Variants in ASTN1 observed in about 807,000 individuals in gnomAD.
The protein encoded by ASTN1 is astrotactin 1.
In ASTN1, 41 loss-of-function variants were observed where a neutral mutation model predicts 140.7. That is an observed-to-expected ratio of 0.29 (90% CI 0.23 to 0.38). The LOEUF (loss-of-function observed/expected upper bound fraction) is 0.38, where lower values mean the gene tolerates loss of function less well. Among genes scored for constraint, ASTN1 ranks in the 10% least tolerant of loss-of-function variants. The pLI is 1.00. For missense variants in ASTN1, 1,479 were observed against 1,678.8 expected (o/e 0.88, Z 2.08); for synonymous variants, 640 against 652.2 (o/e 0.98, Z 0.29).
intron 1 of ASTN1, among the ~76,000 whole-genome samples, chr1:177,096,841 T>C (rs891972526): frequency 2.0e-5 from 3 of 152,114 alleles, no homozygotes; most frequent in Non-Finnish European, 4.4e-5. Context: ...GGGTATTTCT[T>C]CATAGTAGTA....
chr1:176,884,483 GTC>G lies in ASTN1; in HGVS notation c.3080_3081del (p.Arg1027ThrfsTer39). On this transcript the variant is annotated frameshift_variant, in exon 19 of 23. Coordinates refer to ENST00000361833, the MANE Select transcript of ASTN1 (RefSeq NM_004319.3). LOFTEE classifies it high-confidence loss of function. The part of the protein sequence containing the change: ...TCAPLPQPVL[R>X]LSTVHEPSST... Reference sequence around the variant, plus strand: ...CTGCTGGGCTCGTGAACCGTGGAGAGTCTCAGCCTGTGTGCAGACAGGAAGGA... The same window carrying G: ...CTGCTGGGCTCGTGAACCGTGGAGAGTCAGCCTGTGTGCAGACAGGAAGGA... The G allele has an allele frequency of 6.2e-7, 1 of 1,609,628 alleles. No homozygotes were observed.
intron 1 of ASTN1, among the ~76,000 whole-genome samples, chr1:177,118,552 C>T (rs1005989250): frequency 5.9e-5 from 9 of 152,148 alleles, no homozygotes; most frequent in African/African-American, 2.2e-4. Flanking sequence ...TAGTTCTGAA[C>T]AGGTAGGCCC....
At chr1:176,908,195 G>A (rs1670081417) in intron 16 of ASTN1, among the ~76,000 whole-genome samples, 1 of 151,860 alleles carries the variant, frequency 6.6e-6, no homozygotes, top group Admixed American at 6.6e-5. Flanking sequence ...ATTACTGGAT[G>A]AAGGTTGACT....
chr1:177,120,129 G>C (rs955037798), intron 1 of ASTN1, among the ~76,000 whole-genome samples: 30 of 152,220 alleles, frequency 2.0e-4, no homozygotes, highest in African/African-American at 6.8e-4. Flanking sequence ...AAATGGAGGA[G>C]CAGTGGAGCT....
chr1:177,065,641 T>G (rs1187036505), intron 1 of ASTN1, among the ~76,000 whole-genome samples: 2 of 152,140 alleles, frequency 1.3e-5, no homozygotes, highest in Non-Finnish European at 2.9e-5. Context: ...AACACATGTT[T>G]GCAGAACCAC....
intron 11 of ASTN1, among the ~76,000 whole-genome samples, chr1:176,950,223 A>G (rs950791807): frequency 1.3e-5 from 2 of 152,164 alleles, no homozygotes; most frequent in Non-Finnish European, 2.9e-5. Context: ...AACTCATGTG[A>G]TCCTCACAAC....
Position 176,883,014 on chromosome 1 carries a change from T to A in ASTN1, c.3227-20A>T. On this transcript the variant is annotated intron_variant, in intron 19 of 22. Coordinates refer to ENST00000361833, the MANE Select transcript of ASTN1 (RefSeq NM_004319.3). ...CTGTTTCTGCCCAGAGGAGAAGGAATGGAAAAAGCATGAGAAACAATGACG... is the reference window on the plus strand; with the variant it reads ...CTGTTTCTGCCCAGAGGAGAAGGAAAGGAAAAAGCATGAGAAACAATGACG... 2 of 1,613,516 alleles carry A rather than the reference T, an allele frequency of 1.2e-6. No homozygotes were observed. The highest frequency in any genetic ancestry group is 1.7e-6 in the Non-Finnish European group (2 of 1,179,704).
intron 7 of ASTN1, among the ~76,000 whole-genome samples, chr1:177,020,210 T>C (rs1400494370): frequency 6.6e-6 from 1 of 152,192 alleles, no homozygotes; most frequent in Non-Finnish European, 1.5e-5. Flanking sequence ...CCTTCCTTAG[T>C]GTATAAGTTT....
intron 16 of ASTN1, among the ~76,000 whole-genome samples, chr1:176,903,851 A>T (rs1669871266): frequency 6.6e-6 from 1 of 152,170 alleles, no homozygotes; most frequent in Non-Finnish European, 1.5e-5. Context: ...CCCCCTTTGA[A>T]AACTCTAGGG....
At chr1:177,029,076 A>T (rs941894518) in intron 5 of ASTN1, among the ~76,000 whole-genome samples, 8 of 152,154 alleles carry the variant, frequency 5.3e-5, no homozygotes, top group Non-Finnish European at 1.0e-4. Flanking sequence ...AGGAGAATGG[A>T]TTAGCCACCT....
chr1:176,924,762 G>A (rs748446357), intron 16 of ASTN1, among the ~76,000 whole-genome samples: 4 of 152,122 alleles, frequency 2.6e-5, no homozygotes, highest in Non-Finnish European at 5.9e-5. Context: ...TAAATTGTAT[G>A]GTAGAGACAA....
Position 176,862,100 on chromosome 1 carries a change from G to T in ASTN1, c.*2184C>A, listed in dbSNP as rs1270437387. The T allele has an allele frequency of 1.0e-6, 1 of 985,410 alleles. No individual in the cohort carries two copies. The highest frequency in any genetic ancestry group is 1.1e-4 in the East Asian group (1 of 8,798). 61.0% of individuals were successfully genotyped at this position (985,410 alleles called of 1,614,324 possible). A position where few individuals can be genotyped will look rare whatever the true frequency, so the allele number is the denominator to read the frequency against. ...AGATGCTCTGGGCCCTGTCTGATTG[G>T]CCTGTCACATCTTCTCTGGCAATGG... is the stretch of plus-strand genomic sequence containing the variant. On this transcript the variant is annotated 3_prime_UTR_variant, in exon 23 of 23. Transcript: ENST00000361833.
At chr1:177,089,306 A>C (rs893101337) in intron 1 of ASTN1, among the ~76,000 whole-genome samples, 10 of 152,138 alleles carry the variant, frequency 6.6e-5, no homozygotes, top group African/African-American at 2.2e-4. Flanking sequence ...ATTATTTTTG[A>C]AAGAGGCCAG....
At chr1:177,007,947 T>G (rs1178342407) in intron 8 of ASTN1, among the ~76,000 whole-genome samples, 1 of 152,248 alleles carries the variant, frequency 6.6e-6, no homozygotes, top group Non-Finnish European at 1.5e-5. Flanking sequence ...CCTCTTAGCC[T>G]GATGTCCTCT....
chr1:177,068,775 G>T (rs147625367), intron 1 of ASTN1, among the ~76,000 whole-genome samples: 1 of 149,814 alleles, frequency 6.7e-6, no homozygotes, highest in Non-Finnish European at 1.5e-5. Context: ...AGAATCAGAC[G>T]TTTTCTCTTG....
intron 8 of ASTN1, among the ~76,000 whole-genome samples, chr1:177,009,352 G>A (rs1415179930): frequency 6.6e-6 from 1 of 152,194 alleles, no homozygotes. Context: ...CTAAGGAACT[G>A]TTAAGAATGA....
chr1:176,934,436 G>A (rs769091742), intron 15 of ASTN1, 96 bp from the exon 16 acceptor site: 38 of 1,227,246 alleles, frequency 3.1e-5, no homozygotes, highest in Non-Finnish European at 3.6e-5. Context: ...AAGTGCCTGT[G>A]TGGCTCAAAG....
At position 176,942,820 on chromosome 1, in the gene ASTN1, G is replaced by GTATA. The variant is rs148722284; in HGVS notation, c.2377+1067_2377+1070dup. On this transcript the variant is annotated intron_variant, in intron 14 of 22. Transcript: ENST00000361833. ...CCAAACCAATGTACTTTGTGTGTGTGTATATATATATATATGTATATATAT... is the reference window on the plus strand; with the variant it reads ...CCAAACCAATGTACTTTGTGTGTGTGTATATATATATATATATATGTATATATAT... Among the ~76,000 whole-genome samples the GTATA allele has an allele frequency of 2.8e-3, 72 of 25,314 alleles. 16 individuals are homozygous for GTATA. The highest frequency in any genetic ancestry group is 4.0e-3 in the Non-Finnish European group (50 of 12,430). 16.6% of individuals were successfully genotyped at this position (25,314 alleles called of 152,430 possible). A position where few individuals can be genotyped will look rare whatever the true frequency, so the allele number is the denominator to read the frequency against.
At chr1:177,074,617 T>C (rs1234135321) in intron 1 of ASTN1, among the ~76,000 whole-genome samples, 2 of 152,286 alleles carry the variant, frequency 1.3e-5, no homozygotes, top group African/African-American at 4.8e-5. Context: ...GTCTGACTCA[T>C]TGAGGGGACA....
Sources: gnomAD v4.1 joint callset for allele counts (sites outside exome capture counted in the v4.1 genomes callset) on GRCh38, gnomAD v4.1.1 for gene constraint, MANE v1.5 for transcripts, NCBI Gene and HGNC (gene_info 2026-07-23, HGNC 2026-07-21) for gene names.